WWOX: variants seen among roughly 807,000 people sequenced by gnomAD.
WWOX encodes the protein WW domain containing oxidoreductase.
Under a neutral mutation model 46.2 loss-of-function variants are expected in WWOX, and 69 were observed. The observed-to-expected ratio is 1.49, with a 90% CI of 1.23 to 1.82. The LOEUF is 1.82. Among genes scored for constraint, WWOX ranks in the 40% most tolerant of loss-of-function variants. WWOX has a pLI of 0.00. For synonymous variants in WWOX, 359 were observed against 202.6 expected (o/e 1.77, Z -6.56); for missense variants, 919 against 542.6 (o/e 1.69, Z -6.89).
At chr16:78,382,374 C>G (rs1013961563) in intron 5 of WWOX, among the ~76,000 whole-genome samples, 1 of 152,214 alleles carries the variant, frequency 6.6e-6, no homozygotes, top group African/African-American at 2.4e-5. Flanking sequence ...GGCAGTGTTA[C>G]AGACAACAGA....
At chr16:78,514,324 A>G in intron 8 of WWOX, among the ~76,000 whole-genome samples, 1 of 152,200 alleles carries the variant, frequency 6.6e-6, no homozygotes, top group South Asian at 2.1e-4. Flanking sequence ...GCTGCCATTG[A>G]GTGTGTGCAT....
chr16:79,083,695 A>T (rs1189029368), intron 8 of WWOX, among the ~76,000 whole-genome samples: 1 of 152,206 alleles, frequency 6.6e-6, no homozygotes, highest in Non-Finnish European at 1.5e-5. Context: ...CTGCTACGGT[A>T]AACCGATCAC....
chr16:78,338,889 C>T lies in WWOX; in HGVS notation c.517-47971C>T, dbSNP rs545182938. Reference sequence around the variant, plus strand: ...GTCAGGTATGTCTATTAAATTTTTACGTAAAAAGTTAAAGCAGCCCTCAGC... The same window carrying T: ...GTCAGGTATGTCTATTAAATTTTTATGTAAAAAGTTAAAGCAGCCCTCAGC... On this transcript the variant is annotated intron_variant, in intron 5 of 8. Transcript: ENST00000566780. Among the ~76,000 whole-genome samples the T allele has an allele frequency of 7.5e-5, 9 of 120,030 alleles. 3 individuals are homozygous for T. The highest frequency in any genetic ancestry group is 4.9e-4 in the South Asian group (2 of 4,080). The allele number at this position is 120,030 out of a possible 152,430, so 78.7% of individuals were successfully genotyped here.
chr16:78,788,465 TG>T (rs1477720918), intron 8 of WWOX, among the ~76,000 whole-genome samples: 1 of 152,140 alleles, frequency 6.6e-6, no homozygotes, highest in East Asian at 1.9e-4. Flanking sequence ...CCTTATGCCC[TG>T]GGGAAAGGAA....
chr16:78,866,040 A>G (rs981916716), intron 8 of WWOX, among the ~76,000 whole-genome samples: 2 of 152,214 alleles, frequency 1.3e-5, no homozygotes, highest in African/African-American at 4.8e-5. Context: ...CGTGAGTCAT[A>G]GACTCACTGC....
rs141420913 is a variant in WWOX at position 79,005,357 on chromosome 16, A to C, written c.1057-206251A>C. ...TCCCCAGGCTAAGCACAGTCACAGA[A>C]ATGAGGTAGCTGTAGCCAAGGATGA... On this transcript the variant is annotated intron_variant, in intron 8 of 8. Coordinates refer to ENST00000566780, the MANE Select transcript of WWOX (RefSeq NM_016373.4). Among the ~76,000 whole-genome samples, 24 of 152,288 alleles carry C rather than the reference A, an allele frequency of 1.6e-4. No homozygotes were observed. The East Asian group carries it at 3.7e-3, about 23-fold the overall frequency.
intron 8 of WWOX, among the ~76,000 whole-genome samples, chr16:78,807,959 C>G (rs1242336317): frequency 3.9e-5 from 6 of 152,230 alleles, no homozygotes; most frequent in Non-Finnish European, 7.3e-5. Flanking sequence ...GACAGTTTAA[C>G]TGCTTTGGAG....
chr16:78,569,919 C>T (rs996273992), intron 8 of WWOX, among the ~76,000 whole-genome samples: 2 of 152,186 alleles, frequency 1.3e-5, no homozygotes, highest in Non-Finnish European at 2.9e-5. Context: ...TACCTCTTGT[C>T]ACATGGTGCT....
intron 8 of WWOX, among the ~76,000 whole-genome samples, chr16:78,618,667 G>T (rs941995271): frequency 2.0e-5 from 3 of 152,170 alleles, no homozygotes; most frequent in African/African-American, 7.2e-5. Context: ...TTCTCAACAG[G>T]ATCCATGTTT....
intron 8 of WWOX, among the ~76,000 whole-genome samples, chr16:78,720,474 C>T (rs1567514236): frequency 6.8e-6 from 1 of 147,912 alleles, no homozygotes. Flanking sequence ...TTTTTTTCTT[C>T]TTTTTTTTTT....
intron 8 of WWOX, among the ~76,000 whole-genome samples, chr16:78,846,922 G>A (rs1024297186): frequency 2.0e-5 from 3 of 152,312 alleles, no homozygotes; most frequent in Admixed American, 1.3e-4. Context: ...ATGGATACGT[G>A]AATATTTAGT....
chr16:78,491,553 C>T (rs2738713), intron 8 of WWOX, among the ~76,000 whole-genome samples: 54,141 of 151,988 alleles, frequency 0.36, 12,093 homozygotes, highest in Middle Eastern at 0.52. Flanking sequence ...GCCTCCGCCT[C>T]CCAGGTTCAA....
At chr16:78,956,663 CCT>C (rs2046173470) in intron 8 of WWOX, among the ~76,000 whole-genome samples, 1 of 152,110 alleles carries the variant, frequency 6.6e-6, no homozygotes, top group East Asian at 1.9e-4. Flanking sequence ...CCCTAAAATA[CCT>C]CTGTTTTCAC....
At chr16:79,165,511 ATGTTTATTCTT>A (rs913014746) in intron 8 of WWOX, among the ~76,000 whole-genome samples, 2 of 152,110 alleles carry the variant, frequency 1.3e-5, no homozygotes, top group African/African-American at 4.8e-5. Flanking sequence ...CCTCCTTGGG[ATGTTTATTCTT>A]TGTTTATGTT....
intron 8 of WWOX, among the ~76,000 whole-genome samples, chr16:78,746,131 T>C (rs2049342359): frequency 6.6e-6 from 1 of 152,264 alleles, no homozygotes; most frequent in South Asian, 2.1e-4. Context: ...GACATCGTTT[T>C]GATATGATGA....
chr16:78,559,843 A>G (rs2151556066), intron 8 of WWOX, among the ~76,000 whole-genome samples: 1 of 152,254 alleles, frequency 6.6e-6, no homozygotes, highest in Non-Finnish European at 1.5e-5. Flanking sequence ...ACAAAACAAC[A>G]GGCTCCACCC....
chr16:79,039,594 T>C (rs894242054), intron 8 of WWOX, among the ~76,000 whole-genome samples: 2 of 152,238 alleles, frequency 1.3e-5, no homozygotes, highest in Non-Finnish European at 2.9e-5. Flanking sequence ...ATGCCAGCAC[T>C]GGCGAGGGTT....
intron 8 of WWOX, among the ~76,000 whole-genome samples, chr16:78,615,297 T>G (rs944342638): frequency 1.3e-5 from 2 of 151,896 alleles, no homozygotes; most frequent in Non-Finnish European, 2.9e-5. Context: ...CCCCTAGGAG[T>G]TGGGCTGCCT....
chr16:78,114,110 A>G (rs1226820932), intron 3 of WWOX, among the ~76,000 whole-genome samples: 1 of 109,384 alleles, frequency 9.1e-6, no homozygotes, highest in Non-Finnish European at 1.9e-5. Flanking sequence ...TTTTTTTTTT[A>G]ATGGTTACCC....
Sources: gnomAD v4.1 joint callset for allele counts (sites outside exome capture counted in the v4.1 genomes callset) on GRCh38, gnomAD v4.1.1 for gene constraint, MANE v1.5 for transcripts, NCBI Gene and HGNC (gene_info 2026-07-23, HGNC 2026-07-21) for gene names.